PCDHGA6: variants seen among roughly 807,000 people sequenced by gnomAD.
PCDHGA6 encodes the protein protocadherin gamma subfamily A, 6.
Under a neutral mutation model 60.6 loss-of-function variants are expected in PCDHGA6, and 41 were observed. The ratio of observed to expected loss-of-function variants is 0.68; its 90% CI spans 0.53 to 0.88. The LOEUF is 0.88. Among genes scored for constraint, PCDHGA6 ranks in the 40% least tolerant of loss-of-function variants. PCDHGA6 has a pLI of 0.00. For synonymous variants in PCDHGA6, 594 were observed against 524.4 expected, an observed-to-expected ratio of 1.13 and a Z score of -1.81; for missense variants, 1,312 against 1,203.0, an observed-to-expected ratio of 1.09 and a Z score of -1.34.
chr5:141,478,271 A>G, intron 1 of PCDHGA6: 1 of 1,614,170 alleles, frequency 6.2e-7, no homozygotes, highest in Non-Finnish European at 8.5e-7. Flanking sequence ...CAAAGTTTAC[A>G]AGTGGAAGCA....
chr5:141,460,576 G>A (rs2098992216), intron 1 of PCDHGA6, among the ~76,000 whole-genome samples: 1 of 152,082 alleles, frequency 6.6e-6, no homozygotes, highest in Non-Finnish European at 1.5e-5. Flanking sequence ...ACATATGTAG[G>A]TGTGGGTTTT....
chr5:141,393,571 A>G, intron 1 of PCDHGA6: 4 of 1,613,974 alleles, frequency 2.5e-6, no homozygotes, highest in Non-Finnish European at 3.4e-6. Flanking sequence ...AAAGTCCTTG[A>G]GAACATGCCC....
chr5:141,456,098 C>A (rs1222639126), intron 1 of PCDHGA6, among the ~76,000 whole-genome samples: 1 of 151,980 alleles, frequency 6.6e-6, no homozygotes. Context: ...GGGATTTCAC[C>A]GTGTTAGCCA....
Position 141,476,838 on chromosome 5 carries a change from C to T in PCDHGA6, c.2425-17969C>T, listed in dbSNP as rs1347278637. 2.5e-6 allele frequency: 4 copies of T among 1,613,496 alleles called. No individual in the cohort carries two copies. Among genetic ancestry groups the T allele is most frequent in the Non-Finnish European group, 3.4e-6 (4 of 1,180,054 alleles). ...AAGGTGCTGGACGCGAATGACAATG[C>T]GCCTGTCTTCAACCAGTCCTTGTAC... On this transcript the variant is annotated intron_variant, in intron 1 of 3. Transcript: ENST00000517434. This position sits in a 1 kb window ranked among gnomAD's most constrained non-coding sequence, Gnocchi z 7.6.
rs1392088085 is a variant in PCDHGA6 at position 141,373,900 on chromosome 5, C to G, written c.-184C>G. On this transcript the variant is annotated 5_prime_UTR_variant, in exon 1 of 4. In the 5' UTR this introduces an upstream ATG that the reference lacks. Coordinates refer to ENST00000517434, the MANE Select transcript of PCDHGA6 (RefSeq NM_018919.3). ...AAATCAACGGAAACTCAAGTTACAT[C>G]CTCCAACAACAAAGCAAATTAGACG... 1 of 550,068 alleles carries G rather than the reference C, an allele frequency of 1.8e-6. No homozygotes were observed. Among genetic ancestry groups the G allele is most frequent in the Non-Finnish European group, 3.0e-6 (1 of 333,208 alleles). The allele number at this position is 550,068 out of a possible 1,614,324, so 34.1% of individuals were successfully genotyped here. A position where few individuals can be genotyped will look rare whatever the true frequency, so the allele number is the denominator to read the frequency against.
chr5:141,491,114 C>T lies in PCDHGA6; in HGVS notation c.2425-3693C>T, dbSNP rs1240431232. 1 of 1,614,104 alleles carries T rather than the reference C, an allele frequency of 6.2e-7. No homozygotes were observed. Among genetic ancestry groups the T allele is most frequent in the Admixed American group, 1.7e-5 (1 of 60,012 alleles). ...GGACTGTTCCTCGTGTCTACACACA[C>T]TGGTGAGGTGCGCACAGCCCGGGCC... On this transcript the variant is annotated intron_variant, in intron 1 of 3. Transcript: ENST00000517434. The surrounding 1 kb of genome is among the most constrained non-coding windows in gnomAD (Gnocchi z 6.9).
chr5:141,497,957 A>G (rs2099780682), intron 2 of PCDHGA6, among the ~76,000 whole-genome samples: 1 of 152,242 alleles, frequency 6.6e-6, no homozygotes, highest in Non-Finnish European at 1.5e-5. Flanking sequence ...TCTGTTGGCC[A>G]GGCAGTGTTC....
rs1219684339 is a variant in PCDHGA6, at chr5:141,506,444, CAA to C, written c.2572+983_2572+984del. Among the ~76,000 whole-genome samples the C allele has an allele frequency of 5.9e-3, 564 of 95,004 alleles. 2 individuals carry two copies. The highest frequency in any genetic ancestry group is 0.013 in the African/African-American group (317 of 25,186). 62.3% of individuals were successfully genotyped at this position (95,004 alleles called of 152,430 possible). Reference sequence around the variant, plus strand: ...CCTGGGCAACAGTCTCGCTCTGTCTCAAAAAAAAAAAAAAAAAAAAAGAGCAC... The same window carrying C: ...CCTGGGCAACAGTCTCGCTCTGTCTCAAAAAAAAAAAAAAAAAAAGAGCAC... On this transcript the variant is annotated intron_variant, in intron 3 of 3. Transcript: ENST00000517434.
chr5:141,492,846 A>G (rs1404624093), intron 1 of PCDHGA6, among the ~76,000 whole-genome samples: 1 of 152,184 alleles, frequency 6.6e-6, no homozygotes, highest in African/African-American at 2.4e-5. Flanking sequence ...AGGAAGTGAA[A>G]GCCTCGAGCG....
At chr5:141,506,597 C>T (rs937487600) in intron 3 of PCDHGA6, among the ~76,000 whole-genome samples, 4 of 152,150 alleles carry the variant, frequency 2.6e-5, no homozygotes, top group Admixed American at 6.5e-5. Context: ...ACAGTATTAA[C>T]GGATCTCATT....
chr5:141,383,980 C>G lies in PCDHGA6; in HGVS notation c.2424+7473C>G, dbSNP rs145468093. The G allele has an allele frequency of 9.9e-5, 159 of 1,613,694 alleles. No homozygotes were observed. In the East Asian group the frequency reaches 3.5e-3, roughly 35 times the overall value. Reference sequence around the variant, plus strand: ...AAGTAGCTCAATCCCTGAAGACACACCTCTTGGGACAGTCATTGCTCTTTT... The same window carrying G: ...AAGTAGCTCAATCCCTGAAGACACAGCTCTTGGGACAGTCATTGCTCTTTT... On this transcript the variant is annotated intron_variant, in intron 1 of 3. Transcript: ENST00000517434.
At chr5:141,427,410 G>GA (rs1197961039) in intron 1 of PCDHGA6, 3 of 463,834 alleles carry the variant, frequency 6.5e-6, no homozygotes, top group African/African-American at 2.0e-5. Flanking sequence ...AGATTCGAGA[G>GA]AAAATGGGGA....
chr5:141,393,169 T>C lies in PCDHGA6; in HGVS notation c.2424+16662T>C, dbSNP rs113280752. 2,582 of 1,613,090 alleles carry C rather than the reference T, an allele frequency of 1.6e-3. 1 individual carries two copies. The highest frequency in any genetic ancestry group is 1.9e-3 in the Non-Finnish European group (2,191 of 1,179,870). On this transcript the variant is annotated intron_variant, in intron 1 of 3. Coordinates refer to ENST00000517434, the MANE Select transcript of PCDHGA6 (RefSeq NM_018919.3). ...GAGGATAAAGGAAAACTCTTTGGGGTAGAAATAGAAATAATTGATATTAAC... is the reference window on the plus strand; with the variant it reads ...GAGGATAAAGGAAAACTCTTTGGGGCAGAAATAGAAATAATTGATATTAAC...
intron 2 of PCDHGA6, among the ~76,000 whole-genome samples, chr5:141,501,333 A>ACACC (rs1186649373): frequency 5.5e-4 from 77 of 140,128 alleles, no homozygotes; most frequent in African/African-American, 6.0e-4. Context: ...ACACACACAC[A>ACACC]CCCCAAACTC....
chr5:141,401,000 C>T (rs113065470), intron 1 of PCDHGA6, among the ~76,000 whole-genome samples: 2 of 152,218 alleles, frequency 1.3e-5, no homozygotes, highest in Non-Finnish European at 2.9e-5. Flanking sequence ...CTTTCTTATT[C>T]CTACCTAATG....
chr5:141,423,672 T>A, intron 1 of PCDHGA6: 2 of 1,549,982 alleles, frequency 1.3e-6, no homozygotes, highest in Non-Finnish European at 1.7e-6. Context: ...TGAGATTTAT[T>A]TCTCTGCCTC....
chr5:141,511,485 C>T lies in PCDHGA6; in HGVS notation c.*312C>T, dbSNP rs1324849800. 1.8e-5 allele frequency: 8 copies of T among 453,300 alleles called. No individual in the cohort carries two copies. The highest frequency in any genetic ancestry group is 1.2e-4 in the African/African-American group (6 of 50,332). The allele number at this position is 453,300 out of a possible 1,614,324, so 28.1% of individuals were successfully genotyped here. A position where few individuals can be genotyped will look rare whatever the true frequency, so the allele number is the denominator to read the frequency against. On this transcript the variant is annotated 3_prime_UTR_variant, in exon 4 of 4. Coordinates refer to ENST00000517434, the MANE Select transcript of PCDHGA6 (RefSeq NM_018919.3). Reference sequence around the variant, plus strand: ...ACCCCGTTTAGTTACAGCTGAACTCCTCCATCTTCCAAATCAATCAGGCCC... The same window carrying T: ...ACCCCGTTTAGTTACAGCTGAACTCTTCCATCTTCCAAATCAATCAGGCCC...
chr5:141,442,052 G>T (rs2098295034), intron 1 of PCDHGA6: 1 of 197,576 alleles, frequency 5.1e-6, no homozygotes, highest in South Asian at 6.6e-5. Flanking sequence ...TACTGGTCGC[G>T]GTGCACTGCG....
At chr5:141,389,673 G>T (rs755380537) in intron 1 of PCDHGA6, 1 of 1,612,426 alleles carries the variant, frequency 6.2e-7, no homozygotes, top group South Asian at 1.1e-5. Context: ...CGCAGACTCA[G>T]GACACAACGC....
Sources: gnomAD v4.1 joint callset for allele counts (sites outside exome capture counted in the v4.1 genomes callset) on GRCh38, gnomAD v4.1.1 for gene constraint, Gnocchi (gnomAD v3.1) non-coding constraint, MANE v1.5 for transcripts, NCBI Gene and HGNC (gene_info 2026-07-23, HGNC 2026-07-21) for gene names.